The following JAK1 variants were observed in gnomAD, a reference collection of about 807,000 sequenced individuals.
JAK1 encodes tyrosine-protein kinase JAK1.
Under a neutral mutation model 136.6 loss-of-function variants are expected in JAK1, and 16 were observed. The observed-to-expected ratio is 0.12, with a 90% CI of 0.08 to 0.18. JAK1 has a LOEUF of 0.18. Ranked by LOEUF, JAK1 falls within the 10% of genes least tolerant of loss-of-function variation. JAK1 has a pLI of 1.00. For missense variants in JAK1, 859 were observed against 1,450.1 expected (o/e 0.59, Z 6.62); for synonymous variants, 492 against 519.5 (o/e 0.95, Z 0.72).
intron 1 of JAK1, among the ~76,000 whole-genome samples, chr1:64,949,285 A>G (rs1400521690): frequency 6.6e-6 from 1 of 152,236 alleles, no homozygotes; most frequent in Non-Finnish European, 1.5e-5. Context: ...GCAAAGGGCA[A>G]TACATCACTG....
At chr1:65,059,879 G>A (rs1238935962) in intron 1 of JAK1, among the ~76,000 whole-genome samples, 1 of 152,136 alleles carries the variant, frequency 6.6e-6, no homozygotes. Flanking sequence ...AAGTCAGGTA[G>A]ATGAATCAAT....
chr1:64,927,942 C>T (rs552553818), intron 1 of JAK1, among the ~76,000 whole-genome samples: 2 of 152,318 alleles, frequency 1.3e-5, no homozygotes, highest in African/African-American at 4.8e-5. Flanking sequence ...CCAGGCCACA[C>T]TCTCTGGTGC....
rs201474687 is a variant in JAK1, at chr1:64,869,488, G to A, written c.484-14C>T. On this transcript the variant is annotated splice_polypyrimidine_tract_variant and intron_variant, in intron 5 of 24. Coordinates refer to ENST00000342505, the MANE Select transcript of JAK1 (RefSeq NM_002227.4). ...ATCATACTGTCCCTAGGAGCAAGGG[G>A]GAGAAACCATGAGAGCCCACCCGTT... 48 of 1,611,584 alleles carry A rather than the reference G, an allele frequency of 3.0e-5. No homozygotes were observed. The highest frequency in any genetic ancestry group is 4.0e-5 in the Non-Finnish European group (47 of 1,178,478).
intron 1 of JAK1, among the ~76,000 whole-genome samples, chr1:64,926,688 A>G (rs982067296): frequency 1.8e-4 from 28 of 152,136 alleles, no homozygotes; most frequent in African/African-American, 6.5e-4. Context: ...TGATGACGAA[A>G]CTGAGGTCTG....
chr1:65,054,076 G>A (rs1309725685), intron 1 of JAK1, among the ~76,000 whole-genome samples: 1 of 152,056 alleles, frequency 6.6e-6, no homozygotes, highest in Non-Finnish European at 1.5e-5. Flanking sequence ...CCTAAGTGAG[G>A]ACTTTGTGAT....
chr1:64,915,270 C>G (rs961530931), intron 1 of JAK1, among the ~76,000 whole-genome samples: 1 of 151,742 alleles, frequency 6.6e-6, no homozygotes, highest in Non-Finnish European at 1.5e-5. Context: ...ACCAAATTCA[C>G]AAATATGTAA....
intron 4 of JAK1, among the ~76,000 whole-genome samples, chr1:64,874,694 T>C (rs1657287100): frequency 1.3e-5 from 2 of 152,152 alleles, no homozygotes; most frequent in Admixed American, 1.3e-4. Flanking sequence ...TAGGTCTCTT[T>C]CCCTTGACTT....
At chr1:65,045,081 G>A (rs757840735) in intron 1 of JAK1, among the ~76,000 whole-genome samples, 1 of 152,196 alleles carries the variant, frequency 6.6e-6, no homozygotes, top group Non-Finnish European at 1.5e-5. Context: ...GTGGGTCCAC[G>A]GTCCTCGGTC....
At chr1:64,965,672 C>A (rs1285272706) in intron 1 of JAK1, among the ~76,000 whole-genome samples, 2 of 152,238 alleles carry the variant, frequency 1.3e-5, no homozygotes, top group African/African-American at 4.8e-5. Context: ...AGTTCTCTCC[C>A]ACTGTTCCCC....
In JAK1 at chr1:64,860,265, G is replaced by T. The variant is rs764721322; in HGVS notation, c.1177-3C>A. ...TCGTGGGAAGAGAGCTTCAGTTCCT[G>T]TTGAGAGAGAAGAAATTCCCACGGT... On this transcript the variant is annotated splice_region_variant and splice_polypyrimidine_tract_variant and intron_variant, in intron 8 of 24. Coordinates refer to ENST00000342505, the MANE Select transcript of JAK1 (RefSeq NM_002227.4). 6.3e-7 allele frequency: 1 copy of T among 1,599,660 alleles called. No homozygotes were observed. Among genetic ancestry groups the T allele is most frequent in the Non-Finnish European group, 8.5e-7 (1 of 1,171,398 alleles).
intron 2 of JAK1, among the ~76,000 whole-genome samples, chr1:64,988,769 G>T (rs968844707): frequency 5.3e-5 from 8 of 151,766 alleles, no homozygotes; most frequent in Admixed American, 3.3e-4. Context: ...CATGCCTGTA[G>T]TCCCAACTAC....
At chr1:64,913,596 A>C (rs1645322345) in intron 1 of JAK1, among the ~76,000 whole-genome samples, 1 of 146,158 alleles carries the variant, frequency 6.8e-6, no homozygotes, top group Non-Finnish European at 1.5e-5. Flanking sequence ...CTGCAGAATA[A>C]TACATATGGC....
chr1:65,061,121 A>G (rs2100889867), intron 1 of JAK1, among the ~76,000 whole-genome samples: 1 of 152,376 alleles, frequency 6.6e-6, no homozygotes, highest in East Asian at 1.9e-4. Context: ...AACTTTTAAA[A>G]TAACGTGGAG....
chr1:64,939,573 C>T (rs1645851553), intron 1 of JAK1, among the ~76,000 whole-genome samples: 1 of 152,160 alleles, frequency 6.6e-6, no homozygotes, highest in African/African-American at 2.4e-5. Context: ...CATCTTTAAA[C>T]AGGGATAATA....
At chr1:65,031,832 A>G (rs1647026203) in intron 2 of JAK1, among the ~76,000 whole-genome samples, 1 of 152,140 alleles carries the variant, frequency 6.6e-6, no homozygotes, top group Non-Finnish European at 1.5e-5. Flanking sequence ...ACAATTGATG[A>G]TTCTGGGTTA....
intron 9 of JAK1, among the ~76,000 whole-genome samples, chr1:64,858,226 C>T (rs904234511): frequency 6.6e-6 from 1 of 152,176 alleles, no homozygotes; most frequent in Admixed American, 6.5e-5. Context: ...GAGAATACAT[C>T]AGTGAGGACT....
At chr1:64,845,743 G>C in intron 14 of JAK1, 103 bp from the exon 15 acceptor site, 1 of 1,389,144 alleles carries the variant, frequency 7.2e-7, no homozygotes, top group East Asian at 2.3e-5. Context: ...CTCGGCCTCA[G>C]AGTACACAGA....
chr1:64,959,793 A>C (rs1024067329), intron 1 of JAK1, among the ~76,000 whole-genome samples: 1 of 152,176 alleles, frequency 6.6e-6, no homozygotes, highest in Non-Finnish European at 1.5e-5. Flanking sequence ...TGATTTACTC[A>C]TTGCTAACTG....
At chr1:64,996,850 C>G (rs1042306548) in intron 2 of JAK1, among the ~76,000 whole-genome samples, 1 of 152,154 alleles carries the variant, frequency 6.6e-6, no homozygotes, top group Non-Finnish European at 1.5e-5. Flanking sequence ...GCTGCAAACC[C>G]CAAAGGGGCT....
Sources: gnomAD v4.1 joint callset for allele counts (sites outside exome capture counted in the v4.1 genomes callset) on GRCh38, gnomAD v4.1.1 for gene constraint, MANE v1.5 for transcripts, NCBI Gene and HGNC (gene_info 2026-07-23, HGNC 2026-07-21) for gene names.